Variants in RBM7 observed in about 807,000 individuals in gnomAD.
RBM7 encodes the protein RNA-binding protein 7.
Under a neutral mutation model 31.0 loss-of-function variants are expected in RBM7, and 13 were observed. That is an observed-to-expected ratio of 0.42 (90% CI 0.27 to 0.67). RBM7 has a LOEUF of 0.67. RBM7 is among the 30% of genes least tolerant of loss of function. The probability of loss-of-function intolerance (pLI) is 0.24; values close to 1 mark genes in which losing one functional copy is unlikely to be tolerated. For missense variants in RBM7, 245 were observed against 326.2 expected (o/e 0.75, Z 1.92); for synonymous variants, 106 against 111.2 (o/e 0.95, Z 0.30).
At chr11:114,405,907 G>A (rs1019239941) in intron 4 of RBM7, 108 bp downstream of exon 4, 1 of 800,340 alleles carries the variant, frequency 1.2e-6, no homozygotes, top group Non-Finnish European at 1.9e-6. Flanking sequence ...TTAAGTTGGA[G>A]GTTTTGTTCC....
At position 114,408,572 on chromosome 11, in the gene RBM7, T is replaced by C. The variant is rs1340022270; in HGVS notation, c.*765T>C. ...ATGGTAAAATGTTTTACTGAAAGCA[T>C]ACTTTTTTGGAAAATAGATTCATGA... On this transcript the variant is annotated 3_prime_UTR_variant, in exon 5 of 5. Transcript: ENST00000375490. 1 of 152,772 alleles carries C rather than the reference T, an allele frequency of 6.5e-6. No homozygotes were observed. The highest frequency in any genetic ancestry group is 1.5e-5 in the Non-Finnish European group (1 of 68,024). 9.5% of individuals were successfully genotyped at this position (152,772 alleles called of 1,614,324 possible).
At chr11:114,403,464 A>G (rs1946230003) in intron 3 of RBM7, among the ~76,000 whole-genome samples, 1 of 152,214 alleles carries the variant, frequency 6.6e-6, no homozygotes, top group African/African-American at 2.4e-5. Context: ...GTTGAATTAA[A>G]TGATTTGTAA....
In RBM7 at chr11:114,407,716, A is replaced by C. The variant is rs753101100; in HGVS notation, c.713A>C (p.Tyr238Ser). 1.2e-6 allele frequency: 2 copies of C among 1,614,070 alleles called. No homozygotes were observed. Among genetic ancestry groups the C allele is most frequent in the Middle Eastern group, 3.3e-4 (2 of 6,062 alleles). The change falls in exon 5 of 5, where the codon TAT (tyrosine) becomes TCT (serine). Residue 238 changes from tyrosine (Y) to serine (S), a missense_variant. Tyr to Ser is a moderately radical substitution (Grantham distance 144). Coordinates refer to ENST00000375490, the MANE Select transcript of RBM7 (RefSeq NM_001286045.2). ...HYRGKRDDFFYEDRNHDDWSH... is the reference protein window; with the variant it reads ...HYRGKRDDFFSEDRNHDDWSH... ...AGAGGAAAGAGAGATGATTTCTTCTATGAAGACAGGAATCATGATGACTGG... is the reference window on the plus strand; with the variant it reads ...AGAGGAAAGAGAGATGATTTCTTCTCTGAAGACAGGAATCATGATGACTGG...
Position 114,409,019 on chromosome 11 carries a change from T to C in RBM7, c.*1212T>C, listed in dbSNP as rs912896982. 3 of 152,214 alleles carry C rather than the reference T, an allele frequency of 2.0e-5. No individual in the cohort carries two copies. Among genetic ancestry groups the C allele is most frequent in the Non-Finnish European group, 2.9e-5 (2 of 68,000 alleles). The allele number at this position is 152,214 out of a possible 1,614,324, so 9.4% of individuals were successfully genotyped here. On this transcript the variant is annotated 3_prime_UTR_variant, in exon 5 of 5. Coordinates refer to ENST00000375490, the MANE Select transcript of RBM7 (RefSeq NM_001286045.2). ...GATTGCCTGCTGTTTAGAATATCAG[T>C]TCTTTAATTTTGAGCATCCTGAAAT...
rs1294224025 is a variant in RBM7, at chr11:114,409,467, C to T, written c.*1660C>T. The T allele has an allele frequency of 6.6e-6, 1 of 151,988 alleles. No individual in the cohort carries two copies. The highest frequency in any genetic ancestry group is 1.5e-5 in the Non-Finnish European group (1 of 68,032). 9.4% of individuals were successfully genotyped at this position (151,988 alleles called of 1,614,324 possible). On this transcript the variant is annotated 3_prime_UTR_variant, in exon 5 of 5. Transcript: ENST00000375490. ...CACTGCAACCTCCATATCCCGGGTT[C>T]AAGTGATTCTCCTGCCTTAGCCTCC...
In RBM7 at chr11:114,408,752, T is replaced by A. The variant is rs966667040; in HGVS notation, c.*945T>A. The A allele has an allele frequency of 2.0e-5, 3 of 152,196 alleles. No homozygotes were observed. The highest frequency in any genetic ancestry group is 4.4e-5 in the Non-Finnish European group (3 of 68,020). The allele number at this position is 152,196 out of a possible 1,614,324, so 9.4% of individuals were successfully genotyped here. A position where few individuals can be genotyped will look rare whatever the true frequency, so the allele number is the denominator to read the frequency against. ...GTTTAATCTTAACGTTTTCTAATTT[T>A]AAAATTTTAAAATCTTGTTTAACAA... On this transcript the variant is annotated 3_prime_UTR_variant, in exon 5 of 5. Transcript: ENST00000375490.
intron 3 of RBM7, among the ~76,000 whole-genome samples, chr11:114,404,963 C>T (rs916529534): frequency 3.3e-5 from 5 of 152,144 alleles, no homozygotes; most frequent in Non-Finnish European, 7.3e-5. Flanking sequence ...AGGTATAAAT[C>T]CTCAAAAGTA....
chr11:114,402,995 TCTC>T lies in RBM7; in HGVS notation c.347+83_347+85del, dbSNP rs1946224895. 2.6e-6 allele frequency: 3 copies of T among 1,157,584 alleles called. No individual in the cohort carries two copies. The African/African-American group carries it at 4.6e-5, about 18-fold the overall frequency. 71.7% of individuals were successfully genotyped at this position (1,157,584 alleles called of 1,614,324 possible). ...AGCCTCAAAACACATGAGTAAATAG[TCTC>T]CTTCATTATTCTCTTATCTCTTCAT... On this transcript the variant is annotated intron_variant, in intron 3 of 4. Coordinates refer to ENST00000375490, the MANE Select transcript of RBM7 (RefSeq NM_001286045.2).
rs559431866 is a variant in RBM7, at chr11:114,408,832, CATTTGTTGAAAAATA to C, written c.*1027_*1041del. The C allele has an allele frequency of 1.6e-3, 246 of 151,938 alleles. No individual in the cohort carries two copies. Among genetic ancestry groups the C allele is most frequent in the African/African-American group, 5.7e-3 (238 of 41,444 alleles). The allele number at this position is 151,938 out of a possible 1,614,324, so 9.4% of individuals were successfully genotyped here. On this transcript the variant is annotated 3_prime_UTR_variant, in exon 5 of 5. Coordinates refer to ENST00000375490, the MANE Select transcript of RBM7 (RefSeq NM_001286045.2). ...CATTACAGAATTGTTTATAAAAGTT[CATTTGTTGAAAAATA>C]AGGATCCTTTTTAATACCACAGCAT...
intron 3 of RBM7, among the ~76,000 whole-genome samples, chr11:114,404,059 A>AG (rs1236875655): frequency 2.6e-5 from 4 of 152,190 alleles, no homozygotes; most frequent in Non-Finnish European, 5.9e-5. Flanking sequence ...GATAGGCTGG[A>AG]GAGGGTCTTT....
rs528095443 is a variant in RBM7, at chr11:114,407,507, A to G, written c.504A>G (p.Gln168=). ...AATTTGGTTCTTCACCTCTGGATCAATCAGGATTTTCACCATCAGTTCAAT... is the reference window on the plus strand; with the variant it reads ...AATTTGGTTCTTCACCTCTGGATCAGTCAGGATTTTCACCATCAGTTCAAT... ...GGKFGSSPLD[Q]SGFSPSVQSH... Residue 168 remains glutamine (Q), a synonymous_variant, in exon 5 of 5, where the codon CAA becomes CAG. Coordinates refer to ENST00000375490, the MANE Select transcript of RBM7 (RefSeq NM_001286045.2). 13 of 1,614,184 alleles carry G rather than the reference A, an allele frequency of 8.1e-6. No homozygotes were observed. In the African/African-American group the frequency reaches 9.3e-5, roughly 12 times the overall value.
At chr11:114,407,391 A>G in intron 4 of RBM7, 54 bp from the exon 5 acceptor site, 1 of 1,535,452 alleles carries the variant, frequency 6.5e-7, no homozygotes, top group Non-Finnish European at 8.8e-7. Flanking sequence ...GACCAAATAC[A>G]TATTAGCTTT....
chr11:114,403,538 G>GGGA (rs1262205714), intron 3 of RBM7, among the ~76,000 whole-genome samples: 1 of 152,092 alleles, frequency 6.6e-6, no homozygotes, highest in Non-Finnish European at 1.5e-5. Context: ...ATTTGCTTTG[G>GGGA]GGAGGTTCAT....
At chr11:114,401,464 T>C (rs981294101) in intron 1 of RBM7, among the ~76,000 whole-genome samples, 15 of 152,248 alleles carry the variant, frequency 9.9e-5, no homozygotes, top group Non-Finnish European at 1.8e-4. Flanking sequence ...TGCTGTGAAT[T>C]GCAAAAGTGA....
chr11:114,401,881 G>A (rs758242329), intron 2 of RBM7, 21 bp downstream of exon 2: 2 of 1,552,658 alleles, frequency 1.3e-6, no homozygotes, highest in Non-Finnish European at 1.7e-6. Flanking sequence ...AATGAGGTTC[G>A]GGGGGCATTG....
chr11:114,407,203 C>T (rs1946276291), intron 4 of RBM7: 3 of 371,550 alleles, frequency 8.1e-6, no homozygotes, highest in African/African-American at 2.1e-5. Flanking sequence ...AGTGATTTTG[C>T]ATTATAGTCA....
chr11:114,409,435 C>G lies in RBM7; in HGVS notation c.*1628C>G, dbSNP rs1162686920. 1.3e-5 allele frequency: 2 copies of G among 151,852 alleles called. No individual in the cohort carries two copies. Among genetic ancestry groups the G allele is most frequent in the Non-Finnish European group, 2.9e-5 (2 of 68,012 alleles). The allele number at this position is 151,852 out of a possible 1,614,324, so 9.4% of individuals were successfully genotyped here. ...CCAGGCTAGAGTGCAATGGCGGGAT[C>G]TCAGGTCACTGCAACCTCCATATCC... is the stretch of plus-strand genomic sequence containing the variant. On this transcript the variant is annotated 3_prime_UTR_variant, in exon 5 of 5. Coordinates refer to ENST00000375490, the MANE Select transcript of RBM7 (RefSeq NM_001286045.2).
At chr11:114,401,646 G>C in intron 1 of RBM7, 52 bp from the exon 2 acceptor site, 1 of 1,337,390 alleles carries the variant, frequency 7.5e-7, no homozygotes, top group Non-Finnish European at 1.0e-6. Context: ...TAAAATTTGA[G>C]TATTTTCCCT....
chr11:114,402,603 C>T (rs748729380), intron 2 of RBM7, among the ~76,000 whole-genome samples: 3 of 151,660 alleles, frequency 2.0e-5, no homozygotes, highest in Non-Finnish European at 2.9e-5. Flanking sequence ...TGGGGTTTCA[C>T]CATGTTGGTC....
Sources: gnomAD v4.1 joint callset for allele counts (sites outside exome capture counted in the v4.1 genomes callset) on GRCh38, gnomAD v4.1.1 for gene constraint, MANE v1.5 for transcripts, NCBI Gene and HGNC (gene_info 2026-07-23, HGNC 2026-07-21) for gene names.